Variants in LRRC37A3 observed in about 807,000 individuals in gnomAD.
LRRC37A3 encodes leucine-rich repeat-containing protein 37A3.
In LRRC37A3, 25 loss-of-function variants were observed where a neutral mutation model predicts 106.2. The ratio of observed to expected loss-of-function variants is 0.24; its 90% confidence interval spans 0.17 to 0.33. The LOEUF (loss-of-function observed/expected upper bound fraction) is 0.33. LRRC37A3 is among the 10% of genes least tolerant of loss of function. The probability of loss-of-function intolerance (pLI) is 1.00; values close to 1 mark genes in which losing one functional copy is unlikely to be tolerated. For missense variants in LRRC37A3, 712 were observed against 1,644.9 expected, an observed-to-expected ratio of 0.43 and a Z score of 9.81; for synonymous variants, 305 against 635.8, an observed-to-expected ratio of 0.48 and a Z score of 7.83.
At chr17:64,862,124 T>C (rs2143390743) in intron 11 of LRRC37A3, among the ~76,000 whole-genome samples, 1 of 152,036 alleles carries the variant, frequency 6.6e-6, no homozygotes, top group South Asian at 2.1e-4. Flanking sequence ...AAAAAAAAGT[T>C]TTGAAAAATA....
chr17:64,866,602 ATATATATATATATATATATATATATATT>A (rs1166661102), intron 10 of LRRC37A3, among the ~76,000 whole-genome samples: 20 of 16,800 alleles, frequency 1.2e-3, no homozygotes, highest in African/African-American at 7.0e-3. Context: ...ATATATATAT[ATATATATATATATATATATATATATATT>A]TTTTTTTTTT....
chr17:64,877,911 GT>G (rs1010073229), intron 8 of LRRC37A3, among the ~76,000 whole-genome samples: 64 of 147,796 alleles, frequency 4.3e-4, no homozygotes, highest in African/African-American at 6.2e-4. Context: ...TGGAAATAAT[GT>G]TTTTTTTTTT....
In LRRC37A3 at chr17:64,861,038, G is replaced by C. The variant is rs149565613; in HGVS notation, c.3173-65C>G. The C allele has an allele frequency of 8.6e-4, 1,391 of 1,609,694 alleles. 12 individuals carry two copies. In the African/African-American group the frequency reaches 0.016, roughly 19 times the overall value. ...ATGGGATGGGATGCATCAGTCCATA[G>C]CTGTACACTCCAGTCACACAGAGTA... On this transcript the variant is annotated intron_variant, in intron 11 of 14. Coordinates refer to ENST00000584306, the MANE Select transcript of LRRC37A3 (RefSeq NM_199340.5).
intron 9 of LRRC37A3, 145 bp from the exon 10 acceptor site, chr17:64,868,681 T>C (rs1387699178): frequency 1.6e-6 from 2 of 1,216,232 alleles, no homozygotes; most frequent in Admixed American, 4.8e-5. Flanking sequence ...TTAAAGAAAT[T>C]AAAGTTGATT....
intron 2 of LRRC37A3, among the ~76,000 whole-genome samples, chr17:64,915,991 CAG>C: frequency 6.6e-6 from 1 of 152,166 alleles, no homozygotes; most frequent in Non-Finnish European, 1.5e-5. Flanking sequence ...CTAACTACTT[CAG>C]AGGCTGAGGT....
intron 8 of LRRC37A3, among the ~76,000 whole-genome samples, chr17:64,879,880 C>T (rs1973638199): frequency 6.6e-6 from 1 of 152,166 alleles, no homozygotes; most frequent in South Asian, 2.1e-4. Context: ...GCCTGGGTAA[C>T]AAAGTGAGAC....
At chr17:64,856,176 G>A (rs577747264) in intron 13 of LRRC37A3, among the ~76,000 whole-genome samples, 18 of 152,044 alleles carry the variant, frequency 1.2e-4, no homozygotes, top group East Asian at 3.9e-4. Flanking sequence ...TAACCAACAC[G>A]CATCCCCCCT....
At chr17:64,919,198 C>A (rs1344904189) in intron 1 of LRRC37A3, among the ~76,000 whole-genome samples, 2 of 151,886 alleles carry the variant, frequency 1.3e-5, no homozygotes, top group East Asian at 3.9e-4. Context: ...GGGGCCGGGG[C>A]GCAGCGCTCC....
chr17:64,855,767 A>G (rs950959628), intron 14 of LRRC37A3, 73 bp downstream of exon 14: 3 of 1,603,984 alleles, frequency 1.9e-6, no homozygotes, highest in Non-Finnish European at 2.6e-6. Context: ...GCGTCATTGC[A>G]CTCCAGCCTG....
At chr17:64,919,202 G>A (rs1319091887) in intron 1 of LRRC37A3, among the ~76,000 whole-genome samples, 2 of 151,956 alleles carry the variant, frequency 1.3e-5, no homozygotes, top group African/African-American at 4.8e-5. Flanking sequence ...CCGGGGCGCA[G>A]CGCTCCGCAG....
At chr17:64,863,789 T>C (rs1040698565) in intron 10 of LRRC37A3, among the ~76,000 whole-genome samples, 1 of 152,140 alleles carries the variant, frequency 6.6e-6, no homozygotes, top group Non-Finnish European at 1.5e-5. Context: ...CACAGATTAT[T>C]TATTAATTAC....
intron 8 of LRRC37A3, among the ~76,000 whole-genome samples, chr17:64,884,414 G>A (rs944936787): frequency 2.0e-5 from 3 of 151,706 alleles, no homozygotes; most frequent in African/African-American, 4.9e-5. Context: ...CCCTCAGGCT[G>A]GAGTGCAATG....
intron 2 of LRRC37A3, among the ~76,000 whole-genome samples, chr17:64,899,419 C>CAAA (rs71215666): frequency 1.0e-5 from 1 of 100,278 alleles, no homozygotes; most frequent in African/African-American, 5.2e-5. Context: ...GACTCCATCT[C>CAAA]AAAAAAAAAA....
chr17:64,876,041 A>T (rs1973503086), intron 8 of LRRC37A3, among the ~76,000 whole-genome samples: 1 of 152,080 alleles, frequency 6.6e-6, no homozygotes, highest in African/African-American at 2.4e-5. Flanking sequence ...CGGCTAACTA[A>T]AAAAAATTTT....
Position 64,854,663 on chromosome 17 carries a change from T to C in LRRC37A3, c.4860-19A>G, listed in dbSNP as rs1228248526. The stretch of plus-strand genomic sequence containing the variant: ...GCTGTCCCTGGGATAAGAATAACAA[T>C]GCCAAGGTTTTGATTCTTGAAAGGA... On this transcript the variant is annotated intron_variant, in intron 14 of 14. Coordinates refer to ENST00000584306, the MANE Select transcript of LRRC37A3 (RefSeq NM_199340.5). The C allele has an allele frequency of 6.2e-7, 1 of 1,613,062 alleles. No individual in the cohort carries two copies. Among genetic ancestry groups the C allele is most frequent in the South Asian group, 1.1e-5 (1 of 91,032 alleles).
In LRRC37A3 at chr17:64,858,780, T is replaced by A. The variant is rs1414964565; in HGVS notation, c.4808A>T (p.Glu1603Val). 2 of 1,604,196 alleles carry A rather than the reference T, an allele frequency of 1.2e-6. No homozygotes were observed. The highest frequency in any genetic ancestry group is 8.5e-7 in the Non-Finnish European group (1 of 1,171,414). Residue 1603 changes from glutamate (E) to valine (V), a missense_variant and splice_region_variant, in exon 13 of 15, where the codon GAG becomes GTG. Transcript: ENST00000584306. ...TILIILLCLI[E>V]ICCHRRSLQE... ...ACCTGAATTAATTATTGTCCTTACC[T>A]CAATGAGGCAGAGAAGTATAATCAA... is the stretch of plus-strand genomic sequence containing the variant.
At chr17:64,877,022 GATA>G (rs1973535114) in intron 8 of LRRC37A3, 1 of 152,202 alleles carries the variant, frequency 6.6e-6, no homozygotes, top group African/African-American at 2.4e-5. Flanking sequence ...ACATGAAGCC[GATA>G]ATAATAGCAC....
chr17:64,876,309 A>G (rs1266075788), intron 8 of LRRC37A3, among the ~76,000 whole-genome samples: 1 of 152,140 alleles, frequency 6.6e-6, no homozygotes, highest in Non-Finnish European at 1.5e-5. Context: ...TAGCCACCTG[A>G]GTAGCTGTGA....
At chr17:64,880,934 G>A (rs1240793232) in intron 8 of LRRC37A3, among the ~76,000 whole-genome samples, 8 of 152,086 alleles carry the variant, frequency 5.3e-5, no homozygotes, top group Non-Finnish European at 8.8e-5. Flanking sequence ...AAAGCAGGCC[G>A]TGAAAATAAA....
Sources: allele counts gnomAD v4.1 joint callset (sites outside exome capture counted in the v4.1 genomes callset), GRCh38; gene constraint gnomAD v4.1.1; transcripts MANE v1.5; gene names NCBI Gene and HGNC (gene_info 2026-07-23, HGNC 2026-07-21).